CCDC169: variants seen among roughly 807,000 people sequenced by gnomAD.
The protein encoded by CCDC169 is coiled-coil domain-containing protein 169.
CCDC169 carries 30 observed loss-of-function variants against 36.0 expected under a neutral mutation model. The observed-to-expected ratio is 0.83, with a 90% CI of 0.62 to 1.13. CCDC169 has a LOEUF of 1.13. Ranked by LOEUF, CCDC169 falls within the 50% of genes most tolerant of loss-of-function variation. The pLI is 0.00. For missense variants in CCDC169, 245 were observed against 245.9 expected, an observed-to-expected ratio of 1.00 and a Z score of 0.03; for synonymous variants, 85 against 81.5, an observed-to-expected ratio of 1.04 and a Z score of -0.23.
intron 2 of CCDC169, among the ~76,000 whole-genome samples, chr13:36,290,673 T>C (rs906977126): frequency 6.6e-6 from 1 of 152,196 alleles, no homozygotes; most frequent in African/African-American, 2.4e-5. Flanking sequence ...GATTACAGTA[T>C]CTCAATGCAG....
At chr13:36,223,428 T>C (rs1459709885), downstream of CCDC169, 1 of 152,186 alleles carries the variant, frequency 6.6e-6, no homozygotes, top group African/African-American at 2.4e-5. Flanking sequence ...TGTAGCTGAG[T>C]TGGCAAATTG....
At chr13:36,295,883 T>G (rs1285900541) in intron 1 of CCDC169, 26 bp from the exon 2 acceptor site, 3 of 1,323,602 alleles carry the variant, frequency 2.3e-6, no homozygotes, top group Middle Eastern at 1.9e-4. Context: ...TTTTTGTTGA[T>G]TATAATTCAA....
chr13:36,292,008 G>C (rs61950138), intron 2 of CCDC169, among the ~76,000 whole-genome samples: 2 of 135,802 alleles, frequency 1.5e-5, no homozygotes, highest in African/African-American at 5.4e-5. Flanking sequence ...TTTTTTTTTG[G>C]ATGGAGTCTC....
At chr13:36,278,090 T>A (rs1395717573) in intron 4 of CCDC169, among the ~76,000 whole-genome samples, 1 of 152,224 alleles carries the variant, frequency 6.6e-6, no homozygotes, top group Non-Finnish European at 1.5e-5. Context: ...GCCTTATGCT[T>A]ATCCCTTCCA....
At chr13:36,275,937 G>C (rs957694534) in intron 4 of CCDC169, among the ~76,000 whole-genome samples, 6 of 151,972 alleles carry the variant, frequency 3.9e-5, no homozygotes, top group African/African-American at 1.2e-4. Flanking sequence ...ATAATAGAGG[G>C]GAGAGTCTTG....
At chr13:36,227,628 A>G (rs1469685724), downstream of CCDC169, among the ~76,000 whole-genome samples, 1 of 152,232 alleles carries the variant, frequency 6.6e-6, no homozygotes, top group Admixed American at 6.5e-5. Context: ...ACTAATATTA[A>G]AATGTTAATG....
intron 4 of CCDC169, among the ~76,000 whole-genome samples, chr13:36,255,349 G>A (rs1202405398): frequency 1.3e-5 from 2 of 152,150 alleles, no homozygotes; most frequent in Admixed American, 6.5e-5. Flanking sequence ...CTCTCCCACA[G>A]GCTGTGCCCT....
intron 7 of CCDC169, among the ~76,000 whole-genome samples, chr13:36,248,284 T>C (rs1392537688): frequency 2.6e-5 from 4 of 152,118 alleles, no homozygotes; most frequent in Non-Finnish European, 5.9e-5. Flanking sequence ...ACCCATAATA[T>C]CTCCAAGGTA....
Position 36,297,624 on chromosome 13 carries a change from C to G in CCDC169, c.83+13G>C. 1 of 1,549,010 alleles carries G rather than the reference C, an allele frequency of 6.5e-7. No homozygotes were observed. Among genetic ancestry groups the G allele is most frequent in the African/African-American group, 1.4e-5 (1 of 73,132 alleles). Reference sequence around the variant, plus strand: ...GTGGACGGGACCCCACACCGCGCCGCCCGCCGACTCACTTCTTGCGGACTT... The same window carrying G: ...GTGGACGGGACCCCACACCGCGCCGGCCGCCGACTCACTTCTTGCGGACTT... On this transcript the variant is annotated intron_variant, in intron 1 of 7. Coordinates refer to ENST00000239859, the MANE Select transcript of CCDC169 (RefSeq NM_001144981.3).
chr13:36,240,501 T>C, intron 7 of CCDC169: 1 of 544,302 alleles, frequency 1.8e-6, no homozygotes, highest in Non-Finnish European at 2.7e-6. Context: ...GGTTGTGTTA[T>C]CTCTACTGTA....
chr13:36,278,706 C>T (rs558168975), intron 4 of CCDC169, among the ~76,000 whole-genome samples: 1 of 152,198 alleles, frequency 6.6e-6, no homozygotes, highest in South Asian at 2.1e-4. Flanking sequence ...TCAGCATTCC[C>T]CAGGGTTTCA....
At chr13:36,238,125 G>A (rs1871305110) in intron 7 of CCDC169, among the ~76,000 whole-genome samples, 1 of 152,188 alleles carries the variant, frequency 6.6e-6, no homozygotes, top group African/African-American at 2.4e-5. Context: ...GGAGTTTAGT[G>A]GAAGGGGGTT....
At chr13:36,255,347 C>T (rs904112231) in intron 4 of CCDC169, among the ~76,000 whole-genome samples, 1 of 152,146 alleles carries the variant, frequency 6.6e-6, no homozygotes, top group Non-Finnish European at 1.5e-5. Flanking sequence ...AACTCTCCCA[C>T]AGGCTGTGCC....
chr13:36,254,145 TAAA>T lies in CCDC169; in HGVS notation c.316-5_316-3del. On this transcript the variant is annotated splice_polypyrimidine_tract_variant and splice_region_variant and intron_variant, in intron 4 of 7. Transcript: ENST00000239859. ...TTTAAGTAATGTGTTTAAGGATTCC[TAAA>T]AATATAAATAGTAAAATTTTATATG... 3.3e-6 allele frequency: 5 copies of T among 1,500,512 alleles called. No homozygotes were observed. The highest frequency in any genetic ancestry group is 4.4e-6 in the Non-Finnish European group (5 of 1,126,658). The allele number at this position is 1,500,512 out of a possible 1,614,324, so 92.9% of individuals were successfully genotyped here.
chr13:36,270,052 A>G (rs1448759302), intron 4 of CCDC169, among the ~76,000 whole-genome samples: 2 of 152,236 alleles, frequency 1.3e-5, no homozygotes, highest in African/African-American at 2.4e-5. Flanking sequence ...AGACTCCTAG[A>G]TTTGATAAAC....
Position 36,230,865 on chromosome 13 carries a change from A to C in CCDC169, c.*328T>G. 1 of 1,008,826 alleles carries C rather than the reference A, an allele frequency of 9.9e-7. No individual in the cohort carries two copies. Among genetic ancestry groups the C allele is most frequent in the Non-Finnish European group, 1.2e-6 (1 of 846,078 alleles). The allele number at this position is 1,008,826 out of a possible 1,614,324, so 62.5% of individuals were successfully genotyped here. ...TTATGAATACACACTTTTTGCTAAC[A>C]GTCAACTAGAAACCAAATAGAATAG... On this transcript the variant is annotated 3_prime_UTR_variant, in exon 8 of 8. Coordinates refer to ENST00000239859, the MANE Select transcript of CCDC169 (RefSeq NM_001144981.3).
At chr13:36,242,621 C>A (rs967094387) in intron 7 of CCDC169, among the ~76,000 whole-genome samples, 1 of 151,400 alleles carries the variant, frequency 6.6e-6, no homozygotes, top group Non-Finnish European at 1.5e-5. Flanking sequence ...TTCCATTTGA[C>A]CATTTATTTA....
At chr13:36,237,398 GAT>G (rs1871218841) in intron 7 of CCDC169, among the ~76,000 whole-genome samples, 1 of 152,018 alleles carries the variant, frequency 6.6e-6, no homozygotes. Context: ...TCCTCAAAAA[GAT>G]AAACAAAATG....
chr13:36,294,639 C>T (rs1000116850), intron 2 of CCDC169, among the ~76,000 whole-genome samples: 4 of 152,058 alleles, frequency 2.6e-5, no homozygotes, highest in Non-Finnish European at 2.9e-5. Flanking sequence ...AGGCTTTATT[C>T]GGCCGGGAGC....
Sources: allele counts gnomAD v4.1 joint callset (sites outside exome capture counted in the v4.1 genomes callset), GRCh38; gene constraint gnomAD v4.1.1; transcripts MANE v1.5; gene names NCBI Gene and HGNC (gene_info 2026-07-23, HGNC 2026-07-21).